RASGEF1A: variants seen among roughly 807,000 people sequenced by gnomAD.
RASGEF1A encodes RasGEF domain family member 1A, also known as ras-GEF domain-containing family member 1A.
In RASGEF1A, 18 loss-of-function variants were observed where a neutral mutation model predicts 56.4. The ratio of observed to expected loss-of-function variants is 0.32; its 90% CI spans 0.22 to 0.47. The LOEUF (loss-of-function observed/expected upper bound fraction) is 0.47, where lower values mean the gene tolerates loss of function less well. RASGEF1A is among the 20% of genes least tolerant of loss of function. The pLI, the probability that RASGEF1A is intolerant of heterozygous loss-of-function variation, is 1.00. For missense variants in RASGEF1A, 422 were observed against 627.1 expected (o/e 0.67, Z 3.49); for synonymous variants, 245 against 242.6 (o/e 1.01, Z -0.09).
chr10:43,250,922 G>C (rs1047698812), intron 1 of RASGEF1A, among the ~76,000 whole-genome samples: 1 of 152,230 alleles, frequency 6.6e-6, no homozygotes, highest in Admixed American at 6.5e-5. Flanking sequence ...AGAGACACCT[G>C]GGTGGAGGTG....
intron 1 of RASGEF1A, among the ~76,000 whole-genome samples, chr10:43,214,914 C>A (rs1366115380): frequency 2.0e-5 from 3 of 152,184 alleles, no homozygotes; most frequent in African/African-American, 4.8e-5. Flanking sequence ...GATGGGGACA[C>A]TGAGGCTCAG....
chr10:43,231,300 C>A (rs1280877591), intron 1 of RASGEF1A, among the ~76,000 whole-genome samples: 1 of 152,256 alleles, frequency 6.6e-6, no homozygotes, highest in Non-Finnish European at 1.5e-5. Flanking sequence ...GAAGGTGAAA[C>A]CTGGTGTCTT....
chr10:43,213,597 T>C (rs1319044088), intron 1 of RASGEF1A, among the ~76,000 whole-genome samples: 1 of 152,186 alleles, frequency 6.6e-6, no homozygotes, highest in Non-Finnish European at 1.5e-5. Flanking sequence ...CATTCCTTTT[T>C]GCAGCCTCTT....
chr10:43,202,648 G>GCCCCCCC, intron 3 of RASGEF1A: 5 of 459,800 alleles, frequency 1.1e-5, no homozygotes, highest in South Asian at 1.6e-5. Flanking sequence ...CCCGCCCCCG[G>GCCCCCCC]CCCCCGCACC....
At chr10:43,223,950 T>G (rs549596967) in intron 1 of RASGEF1A, among the ~76,000 whole-genome samples, 11 of 152,130 alleles carry the variant, frequency 7.2e-5, no homozygotes, top group Non-Finnish European at 1.5e-4. Flanking sequence ...GAAGAAAGTT[T>G]AAAACAAACA....
At chr10:43,262,465 T>C (rs1438117709) in intron 1 of RASGEF1A, among the ~76,000 whole-genome samples, 1 of 151,896 alleles carries the variant, frequency 6.6e-6, no homozygotes, top group Non-Finnish European at 1.5e-5. Context: ...CAGGTCTGCT[T>C]CCCTCTCCTC....
At chr10:43,249,703 C>A (rs185183253) in intron 1 of RASGEF1A, among the ~76,000 whole-genome samples, 2 of 152,220 alleles carry the variant, frequency 1.3e-5, no homozygotes, top group Admixed American at 6.5e-5. Flanking sequence ...CCTTGCCTGC[C>A]AAGCAGGGCC....
At chr10:43,256,770 C>T (rs970989211) in intron 1 of RASGEF1A, among the ~76,000 whole-genome samples, 1 of 152,166 alleles carries the variant, frequency 6.6e-6, no homozygotes, top group Non-Finnish European at 1.5e-5. Flanking sequence ...ACAGATGAGC[C>T]GTGAAGGTGG....
At position 43,198,205 on chromosome 10, in the gene RASGEF1A, C is replaced by G; in HGVS notation, c.1033-10G>C. 6.2e-7 allele frequency: 1 copy of G among 1,601,238 alleles called. No homozygotes were observed. Among genetic ancestry groups the G allele is most frequent in the Non-Finnish European group, 8.5e-7 (1 of 1,170,542 alleles). On this transcript the variant is annotated splice_polypyrimidine_tract_variant and intron_variant, in intron 9 of 12. Coordinates refer to ENST00000395810, the MANE Select transcript of RASGEF1A (RefSeq NM_145313.4). ...ACGGGTCCATGTGATGCTGTGGGCA[C>G]AGGGAGGACCTGGTGAGCATCACAG...
intron 1 of RASGEF1A, among the ~76,000 whole-genome samples, chr10:43,248,883 G>A (rs1840595840): frequency 7.2e-6 from 1 of 139,342 alleles, no homozygotes; most frequent in South Asian, 2.2e-4. Context: ...ATGGTCAAGG[G>A]GAGACACAAA....
intron 10 of RASGEF1A, 142 bp from the exon 11 acceptor site, chr10:43,197,241 G>C: frequency 1.0e-6 from 1 of 1,000,864 alleles, no homozygotes. Context: ...CCTGCACGCT[G>C]ACCCCGTGGC....
chr10:43,202,067 C>T, intron 3 of RASGEF1A, 122 bp from the exon 4 acceptor site: 3 of 1,098,966 alleles, frequency 2.7e-6, no homozygotes, highest in Non-Finnish European at 3.7e-6. Flanking sequence ...GCACAGCCCC[C>T]AACTGCGTGC....
chr10:43,201,700 A>G lies in RASGEF1A; in HGVS notation c.459+108T>C, dbSNP rs989996682. 20 of 1,196,036 alleles carry G rather than the reference A, an allele frequency of 1.7e-5. No individual in the cohort carries two copies. In the African/African-American group the frequency reaches 2.6e-4, roughly 16 times the overall value. 74.1% of individuals were successfully genotyped at this position (1,196,036 alleles called of 1,614,324 possible). A position where few individuals can be genotyped will look rare whatever the true frequency, so the allele number is the denominator to read the frequency against. On this transcript the variant is annotated intron_variant, in intron 4 of 12. Transcript: ENST00000395810. ...CAGCCAGCAACCCTCCTGGGGGAGT[A>G]ACATGGAAGGGGACCACATACAGAG...
intron 1 of RASGEF1A, among the ~76,000 whole-genome samples, chr10:43,225,896 G>C (rs1425893391): frequency 1.3e-5 from 2 of 152,200 alleles, no homozygotes; most frequent in Non-Finnish European, 2.9e-5. Context: ...AGAGAGAGGA[G>C]GGCGGCGCTC....
chr10:43,197,840 A>G (rs894504599), intron 10 of RASGEF1A, among the ~76,000 whole-genome samples, 164 bp downstream of exon 10: 1 of 152,130 alleles, frequency 6.6e-6, no homozygotes, highest in Non-Finnish European at 1.5e-5. Flanking sequence ...CTTGCAGTCA[A>G]ACAGCACCCC....
At chr10:43,227,880 C>G (rs1840302719) in intron 1 of RASGEF1A, among the ~76,000 whole-genome samples, 1 of 152,174 alleles carries the variant, frequency 6.6e-6, no homozygotes, top group Non-Finnish European at 1.5e-5. Flanking sequence ...CCAGCACGGC[C>G]TCCAGGTGTT....
At chr10:43,223,922 T>C (rs1840241108) in intron 1 of RASGEF1A, among the ~76,000 whole-genome samples, 1 of 152,110 alleles carries the variant, frequency 6.6e-6, no homozygotes. Flanking sequence ...AAAAAGGGAA[T>C]CTAACTCCAG....
At chr10:43,252,566 C>T (rs1588951435) in intron 1 of RASGEF1A, among the ~76,000 whole-genome samples, 1 of 152,076 alleles carries the variant, frequency 6.6e-6, no homozygotes. Flanking sequence ...CTGGCCAGGC[C>T]CTTGACTTCT....
chr10:43,246,613 C>T (rs1168467985), intron 1 of RASGEF1A, among the ~76,000 whole-genome samples: 4 of 152,094 alleles, frequency 2.6e-5, no homozygotes, highest in Admixed American at 6.5e-5. Context: ...CAGAAATAAA[C>T]CCACACCTCC....
Sources: gnomAD v4.1 joint callset for allele counts (sites outside exome capture counted in the v4.1 genomes callset) on GRCh38, gnomAD v4.1.1 for gene constraint, MANE v1.5 for transcripts, NCBI Gene and HGNC (gene_info 2026-07-23, HGNC 2026-07-21) for gene names.